The following ANKS1B variants were observed in gnomAD, a reference collection of about 807,000 sequenced individuals.
ANKS1B encodes ankyrin repeat and sterile alpha motif domain containing 1B, also known as ankyrin repeat and sterile alpha motif domain-containing protein 1B.
Under a neutral mutation model 148.3 loss-of-function variants are expected in ANKS1B, and 36 were observed. That is an observed-to-expected ratio of 0.24 (90% CI 0.19 to 0.32). The LOEUF (loss-of-function observed/expected upper bound fraction) is 0.32, where lower values mean the gene tolerates loss of function less well. ANKS1B is among the 10% of genes least tolerant of loss of function. The pLI, the probability that ANKS1B is intolerant of heterozygous loss-of-function variation, is 1.00. For synonymous variants in ANKS1B, 542 were observed against 560.8 expected, an observed-to-expected ratio of 0.97 and a Z score of 0.47; for missense variants, 1,157 against 1,542.6, an observed-to-expected ratio of 0.75 and a Z score of 4.19.
At chr12:99,869,487 A>C (rs1209186721) in intron 1 of ANKS1B, among the ~76,000 whole-genome samples, 1 of 152,102 alleles carries the variant, frequency 6.6e-6, no homozygotes, top group Non-Finnish European at 1.5e-5. Context: ...CAGCCTGACC[A>C]ACATGGAGAA....
intron 9 of ANKS1B, among the ~76,000 whole-genome samples, chr12:99,638,523 A>G (rs1410447094): frequency 3.3e-5 from 5 of 152,176 alleles, no homozygotes; most frequent in Admixed American, 6.5e-5. Context: ...TGTGAGAGAG[A>G]TGATTTAGGG....
intron 14 of ANKS1B, among the ~76,000 whole-genome samples, chr12:99,190,944 A>G (rs1054768076): frequency 2.6e-5 from 4 of 152,262 alleles, no homozygotes; most frequent in Admixed American, 2.0e-4. Flanking sequence ...CAATCTCTCC[A>G]TCTGACAAAC....
intron 15 of ANKS1B, among the ~76,000 whole-genome samples, chr12:99,125,664 G>A (rs1298809046): frequency 6.6e-6 from 1 of 152,136 alleles, no homozygotes; most frequent in East Asian, 1.9e-4. Context: ...CAATCCTGGT[G>A]ATTGGTTGAC....
At chr12:99,441,261 C>T (rs1484194221) in intron 11 of ANKS1B, among the ~76,000 whole-genome samples, 3 of 151,766 alleles carry the variant, frequency 2.0e-5, no homozygotes, top group South Asian at 4.1e-4. Flanking sequence ...AACAGTAGCT[C>T]TCAACCATTT....
intron 17 of ANKS1B, among the ~76,000 whole-genome samples, chr12:98,962,772 A>G (rs1401545563): frequency 6.6e-6 from 1 of 152,222 alleles, no homozygotes; most frequent in East Asian, 1.9e-4. Flanking sequence ...TAAAACTATA[A>G]TAAATCAGTA....
At position 98,957,448 on chromosome 12, in the gene ANKS1B, C is replaced by T. The variant is rs907531162; in HGVS notation, c.2778+95709G>A. ...CTGCAAGCTCCGCCTCCTGGGTTCA[C>T]GCCATGCTCCTGCCTTAGCCTTCTG... On this transcript the variant is annotated intron_variant, in intron 17 of 26. Coordinates refer to ENST00000683438, the MANE Select transcript of ANKS1B (RefSeq NM_001352186.2). Among the ~76,000 whole-genome samples the T allele has an allele frequency of 5.9e-5, 9 of 151,924 alleles. No homozygotes were observed. The South Asian group carries it at 6.3e-4, about 11-fold the overall frequency.
In ANKS1B at chr12:98,735,573, AG is replaced by A; in HGVS notation, c.751del (p.Leu251SerfsTer13). The A allele has an allele frequency of 1.3e-6, 1 of 770,458 alleles. No individual in the cohort carries two copies. Among genetic ancestry groups the A allele is most frequent in the Non-Finnish European group, 2.4e-6 (1 of 410,226 alleles). 47.7% of individuals were successfully genotyped at this position (770,458 alleles called of 1,614,324 possible). A position where few individuals can be genotyped will look rare whatever the true frequency, so the allele number is the denominator to read the frequency against. The stretch of plus-strand genomic sequence containing the variant: ...AATTCAATTCTATCAAAATTTTCTG[AG>A]TGCCTCCTCAGTGTGTCTCTCTGAT... On this transcript the variant is annotated frameshift_variant, in exon 10 of 10. Transcript: ENST00000341752. LOFTEE classifies it high-confidence loss of function.
At chr12:99,507,796 C>T (rs756908966) in intron 9 of ANKS1B, among the ~76,000 whole-genome samples, 1 of 151,646 alleles carries the variant, frequency 6.6e-6, no homozygotes, top group Non-Finnish European at 1.5e-5. Context: ...GACAAGTGAC[C>T]GTCAAAAGAG....
chr12:98,979,299 G>A (rs1191396525), intron 17 of ANKS1B, among the ~76,000 whole-genome samples: 4 of 149,236 alleles, frequency 2.7e-5, no homozygotes, highest in Non-Finnish European at 4.4e-5. Context: ...ATGGAGTCTC[G>A]CTCTGTCGCC....
chr12:99,459,295 C>T (rs955721399), intron 10 of ANKS1B, among the ~76,000 whole-genome samples: 44 of 152,086 alleles, frequency 2.9e-4, no homozygotes, highest in African/African-American at 9.9e-4. Flanking sequence ...AACCCACAGC[C>T]GACATTATAC....
intron 12 of ANKS1B, among the ~76,000 whole-genome samples, chr12:99,341,615 TAA>T (rs1044981413): frequency 1.5e-4 from 23 of 152,068 alleles, no homozygotes; most frequent in African/African-American, 5.6e-4. Flanking sequence ...AATCTAGAAA[TAA>T]AGTTCTGTTT....
chr12:99,114,657 CAGA>C (rs2060959591), intron 15 of ANKS1B, among the ~76,000 whole-genome samples: 3 of 151,862 alleles, frequency 2.0e-5, no homozygotes, highest in Admixed American at 1.3e-4. Flanking sequence ...GAGGCTGAGG[CAGA>C]AGAATTGCTT....
chr12:99,374,513 G>A (rs749961197), intron 12 of ANKS1B, among the ~76,000 whole-genome samples: 1 of 152,092 alleles, frequency 6.6e-6, no homozygotes, highest in Non-Finnish European at 1.5e-5. Flanking sequence ...GCAAAGATAG[G>A]CTCCGAAATA....
At chr12:99,524,594 G>C (rs2096908056) in intron 9 of ANKS1B, among the ~76,000 whole-genome samples, 1 of 152,098 alleles carries the variant, frequency 6.6e-6, no homozygotes, top group South Asian at 2.1e-4. Context: ...GTATTAGTCT[G>C]TTTTCATGCC....
At chr12:99,450,767 A>G (rs978700051) in intron 10 of ANKS1B, among the ~76,000 whole-genome samples, 1 of 152,220 alleles carries the variant, frequency 6.6e-6, no homozygotes. Context: ...TTTTAAAGTA[A>G]TAAATGAAGT....
chr12:99,686,815 T>G (rs896856368), intron 8 of ANKS1B, among the ~76,000 whole-genome samples: 2 of 152,154 alleles, frequency 1.3e-5, no homozygotes, highest in African/African-American at 4.8e-5. Flanking sequence ...ATGTTAGAAA[T>G]CACACAATAC....
At chr12:99,851,612 ATTT>A (rs1297209534) in intron 1 of ANKS1B, among the ~76,000 whole-genome samples, 1 of 151,890 alleles carries the variant, frequency 6.6e-6, no homozygotes, top group East Asian at 1.9e-4. Flanking sequence ...AAGGAGTGAA[ATTT>A]TTTTTCTAAA....
At position 99,369,787 on chromosome 12, in the gene ANKS1B, TAGATGGAC is replaced by T. The variant is rs1566971341; in HGVS notation, c.1756+29836_1756+29843del. Among the ~76,000 whole-genome samples, 9 of 118,084 alleles carry T rather than the reference TAGATGGAC, an allele frequency of 7.6e-5. No homozygotes were observed. The South Asian group carries it at 2.1e-3, about 28-fold the overall frequency. 77.5% of individuals were successfully genotyped at this position (118,084 alleles called of 152,430 possible). A position where few individuals can be genotyped will look rare whatever the true frequency, so the allele number is the denominator to read the frequency against. On this transcript the variant is annotated intron_variant, in intron 12 of 26. Coordinates refer to ENST00000683438, the MANE Select transcript of ANKS1B (RefSeq NM_001352186.2). ...ATAGATAGATAGATAGATAGATAGA[TAGATGGAC>T]GGACGGACAGACGGACGGACGGACA...
intron 1 of ANKS1B, among the ~76,000 whole-genome samples, chr12:99,915,335 A>ACAT (rs1435697355): frequency 1.3e-5 from 2 of 152,002 alleles, no homozygotes; most frequent in African/African-American, 4.8e-5. Context: ...AGCCTATCTG[A>ACAT]CATGTGTCAT....
Sources: gnomAD v4.1 joint callset for allele counts (sites outside exome capture counted in the v4.1 genomes callset) on GRCh38, gnomAD v4.1.1 for gene constraint, MANE v1.5 for transcripts, NCBI Gene and HGNC (gene_info 2026-07-23, HGNC 2026-07-21) for gene names.